The following TRAF3 variants were observed in gnomAD, a reference collection of about 807,000 sequenced individuals.
TRAF3 encodes TNF receptor associated factor 3.
Under a neutral mutation model 62.3 loss-of-function variants are expected in TRAF3, and 13 were observed. The ratio of observed to expected loss-of-function variants is 0.21; its 90% CI spans 0.14 to 0.33. The LOEUF is 0.33. Among genes scored for constraint, TRAF3 ranks in the 10% least tolerant of loss-of-function variants. TRAF3 has a pLI of 1.00. For missense variants in TRAF3, 440 were observed against 741.8 expected (o/e 0.59, Z 4.73); for synonymous variants, 269 against 283.4 (o/e 0.95, Z 0.51).
rs1890468368 is a variant in TRAF3, at chr14:102,904,360, AGT to A, written c.1136-851_1136-850del. On this transcript the variant is annotated intron_variant, in intron 11 of 11. Coordinates refer to ENST00000392745, the MANE Select transcript of TRAF3 (RefSeq NM_145725.3). The stretch of plus-strand genomic sequence containing the variant: ...TGCTGGTGTTACCCCCAGAAACCAC[AGT>A]GATTTTTATATTGTTGCTTCAGATG... Among the ~76,000 whole-genome samples the A allele has an allele frequency of 2.0e-5, 3 of 152,194 alleles. No individual in the cohort carries two copies. In the South Asian group the frequency reaches 6.2e-4, roughly 32 times the overall value.
intron 1 of TRAF3, among the ~76,000 whole-genome samples, chr14:102,819,490 A>G (rs1200006646): frequency 6.6e-6 from 1 of 152,228 alleles, no homozygotes; most frequent in African/African-American, 2.4e-5. Flanking sequence ...CACATCGCTC[A>G]GCATGTTTGT....
intron 2 of TRAF3, among the ~76,000 whole-genome samples, chr14:102,846,607 A>C (rs1886735468): frequency 7.0e-6 from 1 of 142,610 alleles, no homozygotes. Flanking sequence ...GTTCCAGACC[A>C]GTCTAGGCAA....
intron 11 of TRAF3, among the ~76,000 whole-genome samples, chr14:102,904,483 C>T (rs1286099329): frequency 6.6e-6 from 1 of 151,958 alleles, no homozygotes; most frequent in Non-Finnish European, 1.5e-5. Context: ...TGATGCCAGC[C>T]TGAGCAACAG....
In TRAF3 at chr14:102,779,865, T is replaced by C. The variant is rs575386805; in HGVS notation, c.-157+2190T>C. Among the ~76,000 whole-genome samples, 9 of 152,372 alleles carry C rather than the reference T, an allele frequency of 5.9e-5. No individual in the cohort carries two copies. The East Asian group carries it at 1.5e-3, about 26-fold the overall frequency. The stretch of plus-strand genomic sequence containing the variant: ...AAGTGATCTAACCTATCAAGTATTA[T>C]GCAATAGCTGAATTTCCTTGCAATG... On this transcript the variant is annotated intron_variant, in intron 1 of 11. Transcript: ENST00000392745.
chr14:102,873,306 C>G (rs149182262), intron 4 of TRAF3, among the ~76,000 whole-genome samples: 2 of 152,296 alleles, frequency 1.3e-5, no homozygotes, highest in African/African-American at 4.8e-5. Context: ...CTGCATTTAC[C>G]TGCTGCTGCT....
At chr14:102,858,341 CG>C (rs1887496225) in intron 2 of TRAF3, among the ~76,000 whole-genome samples, 1 of 152,066 alleles carries the variant, frequency 6.6e-6, no homozygotes, top group Non-Finnish European at 1.5e-5. Flanking sequence ...TTAGTAGAGA[CG>C]GGGTTTCACC....
chr14:102,796,824 T>A (rs1244812497), intron 1 of TRAF3, among the ~76,000 whole-genome samples: 2 of 152,228 alleles, frequency 1.3e-5, no homozygotes, highest in East Asian at 3.8e-4. Context: ...TGAATAAGGG[T>A]ACCTGTTCCT....
chr14:102,869,665 G>C (rs532557122), intron 2 of TRAF3, among the ~76,000 whole-genome samples: 1 of 151,908 alleles, frequency 6.6e-6, no homozygotes, highest in South Asian at 2.1e-4. Context: ...AATTAGCCAG[G>C]TGTGGTGGTG....
intron 1 of TRAF3, among the ~76,000 whole-genome samples, chr14:102,814,690 T>C (rs1174556679): frequency 3.9e-5 from 6 of 151,982 alleles, no homozygotes; most frequent in Non-Finnish European, 8.8e-5. Flanking sequence ...GGCTAATTTT[T>C]TGTACTTTTT....
At chr14:102,782,592 A>C (rs894091826) in intron 1 of TRAF3, among the ~76,000 whole-genome samples, 3 of 152,178 alleles carry the variant, frequency 2.0e-5, no homozygotes, top group African/African-American at 7.2e-5. Context: ...ATCCATGTTT[A>C]AATGACCTAA....
intron 1 of TRAF3, among the ~76,000 whole-genome samples, chr14:102,806,750 G>A (rs572596234): frequency 6.6e-6 from 1 of 152,102 alleles, no homozygotes; most frequent in Non-Finnish European, 1.5e-5. Flanking sequence ...AGGGCTGGGG[G>A]GAGGTCAAGA....
intron 2 of TRAF3, among the ~76,000 whole-genome samples, chr14:102,859,003 A>G (rs1050296003): frequency 1.3e-5 from 2 of 152,230 alleles, no homozygotes; most frequent in African/African-American, 4.8e-5. Flanking sequence ...CAGTGCTCTA[A>G]GAAAACCTTG....
intron 1 of TRAF3, among the ~76,000 whole-genome samples, chr14:102,811,913 C>CTTTTTTTTT (rs71119743): frequency 0.045 from 2,135 of 47,066 alleles, 659 homozygotes; most frequent in East Asian, 0.1. Flanking sequence ...ATGCCTGGCC[C>CTTTTTTTTT]TTTTTTTTTT....
chr14:102,784,034 G>A (rs1354359060), intron 1 of TRAF3, among the ~76,000 whole-genome samples: 1 of 152,076 alleles, frequency 6.6e-6, no homozygotes, highest in African/African-American at 2.4e-5. Flanking sequence ...GTTAGTTAGG[G>A]ACCACAGAAG....
intron 1 of TRAF3, among the ~76,000 whole-genome samples, chr14:102,782,640 C>T (rs1010130110): frequency 2.0e-5 from 3 of 151,952 alleles, no homozygotes; most frequent in Non-Finnish European, 4.4e-5. Flanking sequence ...ATTGGGGGCC[C>T]TACATTTCAT....
At chr14:102,870,680 C>A (rs552346505) in intron 3 of TRAF3, among the ~76,000 whole-genome samples, 1 of 152,178 alleles carries the variant, frequency 6.6e-6, no homozygotes, top group African/African-American at 2.4e-5. Flanking sequence ...CTTCCCACTC[C>A]GTCTGTAGAG....
At chr14:102,816,209 C>G (rs1225411593) in intron 1 of TRAF3, among the ~76,000 whole-genome samples, 1 of 151,882 alleles carries the variant, frequency 6.6e-6, no homozygotes, top group African/African-American at 2.4e-5. Flanking sequence ...CTCAGGTGAT[C>G]CTCTCACCTC....
intron 1 of TRAF3, among the ~76,000 whole-genome samples, chr14:102,781,207 G>T (rs956222899): frequency 6.6e-6 from 1 of 152,202 alleles, no homozygotes; most frequent in African/African-American, 2.4e-5. Context: ...TGGTAAGATG[G>T]GATCTGACGG....
chr14:102,851,510 C>T (rs1055488192), intron 2 of TRAF3, among the ~76,000 whole-genome samples: 1 of 152,080 alleles, frequency 6.6e-6, no homozygotes, highest in Admixed American at 6.6e-5. Flanking sequence ...TTTGGGAGGC[C>T]GAGGTGGGCG....
Sources: allele counts gnomAD v4.1 joint callset (sites outside exome capture counted in the v4.1 genomes callset), GRCh38; gene constraint gnomAD v4.1.1; transcripts MANE v1.5; gene names NCBI Gene and HGNC (gene_info 2026-07-23, HGNC 2026-07-21).